The following ZYG11B variants were observed in gnomAD, a reference collection of about 807,000 sequenced individuals.
ZYG11B encodes zyg-11 family member B, cell cycle regulator, also known as protein zyg-11 homolog B.
Under a neutral mutation model 82.4 loss-of-function variants are expected in ZYG11B, and 36 were observed. That is an observed-to-expected ratio of 0.44 (90% confidence interval 0.33 to 0.58). ZYG11B has a LOEUF of 0.58. Ranked by LOEUF, ZYG11B falls within the 20% of genes least tolerant of loss-of-function variation. The probability of loss-of-function intolerance (pLI) is 0.02; values close to 1 mark genes in which losing one functional copy is unlikely to be tolerated. For synonymous variants in ZYG11B, 303 were observed against 312.8 expected (o/e 0.97, Z 0.33); for missense variants, 552 against 895.6 (o/e 0.62, Z 4.90).
In ZYG11B at chr1:52,746,697, T is replaced by TTTTTTTTTG. The variant is rs1644480119; in HGVS notation, c.31-9753_31-9752insGTTTTTTTT. Among the ~76,000 whole-genome samples, 5 of 130,294 alleles carry TTTTTTTTTG rather than the reference T, an allele frequency of 3.8e-5. 1 individual carries two copies. Among genetic ancestry groups the TTTTTTTTTG allele is most frequent in the African/African-American group, 5.5e-5 (2 of 36,550 alleles). 85.5% of individuals were successfully genotyped at this position (130,294 alleles called of 152,430 possible). A position where few individuals can be genotyped will look rare whatever the true frequency, so the allele number is the denominator to read the frequency against. ...TAAAGATCGGCCACTGTTTTTTTTTTTTTTTTTTTTTTTTTTTGCGGCTGG... is the reference window on the plus strand; with the variant it reads ...TAAAGATCGGCCACTGTTTTTTTTTTTTTTTTTTGTTTTTTTTTTTTTTTTTGCGGCTGG... On this transcript the variant is annotated intron_variant, in intron 1 of 13. Transcript: ENST00000294353.
chr1:52,808,317 T>TTG (rs1645157926), intron 10 of ZYG11B, among the ~76,000 whole-genome samples: 1 of 151,982 alleles, frequency 6.6e-6, no homozygotes, highest in African/African-American at 2.4e-5. Context: ...TGAGCCGAGA[T>TTG]CACGCCATTG....
intron 4 of ZYG11B, among the ~76,000 whole-genome samples, chr1:52,783,884 A>ATACATC (rs1285955622): frequency 0.1 from 14,595 of 140,766 alleles, 1,908 homozygotes; most frequent in East Asian, 0.36. Flanking sequence ...GTGTGTGTAT[A>ATACATC]TGTACATACA....
At chr1:52,736,078 C>T (rs1041358277) in intron 1 of ZYG11B, among the ~76,000 whole-genome samples, 2 of 152,000 alleles carry the variant, frequency 1.3e-5, no homozygotes, top group African/African-American at 2.4e-5. Context: ...CCTTAAGATC[C>T]TTGTGGAGCC....
chr1:52,753,005 A>G (rs1644539204), intron 1 of ZYG11B, among the ~76,000 whole-genome samples: 1 of 151,996 alleles, frequency 6.6e-6, no homozygotes, highest in Non-Finnish European at 1.5e-5. Context: ...GCACCACCAC[A>G]CCCAGCTAAT....
intron 5 of ZYG11B, among the ~76,000 whole-genome samples, chr1:52,788,371 T>C (rs535171712): frequency 1.3e-4 from 20 of 152,338 alleles, no homozygotes; most frequent in Non-Finnish European, 2.4e-4. Context: ...CAGTAAGGCA[T>C]AGATTCAGTG....
rs1397456241 is a variant in ZYG11B, at chr1:52,796,882, AT to A, written c.1485+100del. The A allele has an allele frequency of 3.6e-3, 459 of 128,740 alleles. 1 individual carries two copies. The highest frequency in any genetic ancestry group is 5.4e-3 in the Non-Finnish European group (346 of 64,100). The allele number at this position is 128,740 out of a possible 1,614,324, so 8.0% of individuals were successfully genotyped here. ...TTCTGACATTTTTTATATATATATA[AT>A]TATATATAATATATAATTATATATA... On this transcript the variant is annotated intron_variant, in intron 8 of 13. Coordinates refer to ENST00000294353, the MANE Select transcript of ZYG11B (RefSeq NM_024646.3).
chr1:52,801,155 G>A (rs1476555858), intron 8 of ZYG11B, among the ~76,000 whole-genome samples: 2 of 152,044 alleles, frequency 1.3e-5, no homozygotes, highest in South Asian at 2.1e-4. Context: ...AAGGGAAGGG[G>A]AAAGGGGGAA....
chr1:52,743,597 C>T (rs948109703), intron 1 of ZYG11B, among the ~76,000 whole-genome samples: 1 of 151,794 alleles, frequency 6.6e-6, no homozygotes, highest in Admixed American at 6.6e-5. Context: ...ACCTGTAGTC[C>T]CACGTATTAT....
At chr1:52,772,420 A>T (rs1454942498) in intron 3 of ZYG11B, 1 of 1,561,170 alleles carries the variant, frequency 6.4e-7, no homozygotes, top group Non-Finnish European at 8.8e-7. Flanking sequence ...AGTCCCTTAG[A>T]CTTAAGAATT....
chr1:52,742,879 G>A (rs1187936581), intron 1 of ZYG11B, among the ~76,000 whole-genome samples: 5 of 150,868 alleles, frequency 3.3e-5, no homozygotes, highest in African/African-American at 1.2e-4. Flanking sequence ...TAATAAAAAA[G>A]TAAAAGTTCT....
intron 2 of ZYG11B, among the ~76,000 whole-genome samples, chr1:52,763,781 A>G (rs1456751734): frequency 6.6e-6 from 1 of 152,202 alleles, no homozygotes; most frequent in Non-Finnish European, 1.5e-5. Flanking sequence ...GAATTTTAGC[A>G]TCTAATGATA....
chr1:52,751,332 T>TA (rs201206768), intron 1 of ZYG11B, among the ~76,000 whole-genome samples: 299 of 141,402 alleles, frequency 2.1e-3, no homozygotes, highest in Non-Finnish European at 3.4e-3. Flanking sequence ...ATGATATAGT[T>TA]AAAAAAAAAA....
At chr1:52,751,939 A>G (rs1356766586) in intron 1 of ZYG11B, among the ~76,000 whole-genome samples, 1 of 151,788 alleles carries the variant, frequency 6.6e-6, no homozygotes, top group Non-Finnish European at 1.5e-5. Context: ...CTCTCAACAC[A>G]GAACACTTCT....
intron 1 of ZYG11B, among the ~76,000 whole-genome samples, chr1:52,752,183 T>TC (rs1391062146): frequency 6.6e-6 from 1 of 152,144 alleles, no homozygotes; most frequent in Non-Finnish European, 1.5e-5. Context: ...AATTGGAGGT[T>TC]CCCACACCTC....
At chr1:52,789,877 A>C (rs1315699270) in intron 5 of ZYG11B, 126 bp from the exon 6 acceptor site, 4 of 582,304 alleles carry the variant, frequency 6.9e-6, no homozygotes, top group Non-Finnish European at 1.1e-5. Flanking sequence ...GGGCAGATAA[A>C]GATTGTAAGA....
At chr1:52,731,728 T>G (rs893427388) in intron 1 of ZYG11B, among the ~76,000 whole-genome samples, 6 of 152,206 alleles carry the variant, frequency 3.9e-5, no homozygotes, top group African/African-American at 1.4e-4. Context: ...GGCTAAGATA[T>G]AAAGTGATAT....
At chr1:52,803,117 T>TGC (rs1645096273) in intron 10 of ZYG11B, among the ~76,000 whole-genome samples, 2 of 25,220 alleles carry the variant, frequency 7.9e-5, no homozygotes, top group South Asian at 1.6e-3. Flanking sequence ...TATATATATA[T>TGC]ACACACATAT....
At chr1:52,741,011 G>C (rs980684563) in intron 1 of ZYG11B, among the ~76,000 whole-genome samples, 1 of 151,624 alleles carries the variant, frequency 6.6e-6, no homozygotes, top group Non-Finnish European at 1.5e-5. Flanking sequence ...GAAAATAAAA[G>C]TTTTTGCTGG....
intron 1 of ZYG11B, among the ~76,000 whole-genome samples, chr1:52,740,593 G>A (rs1212729706): frequency 1.4e-5 from 2 of 145,104 alleles, no homozygotes; most frequent in African/African-American, 2.6e-5. Flanking sequence ...TTTGAGACAG[G>A]GTCTCTGTCA....
Sources: allele counts gnomAD v4.1 joint callset (sites outside exome capture counted in the v4.1 genomes callset), GRCh38; gene constraint gnomAD v4.1.1; transcripts MANE v1.5; gene names NCBI Gene and HGNC (gene_info 2026-07-23, HGNC 2026-07-21).